Variants in VWA8 observed in about 807,000 individuals in gnomAD.
VWA8 encodes the protein von Willebrand factor A domain-containing protein 8.
In VWA8, 221 loss-of-function variants were observed where a neutral mutation model predicts 241.5. That is an observed-to-expected ratio of 0.91 (90% confidence interval 0.82 to 1.02). VWA8 has a LOEUF of 1.02. Ranked by LOEUF, VWA8 falls within the 50% of genes least tolerant of loss-of-function variation. The pLI, the probability that VWA8 is intolerant of heterozygous loss-of-function variation, is 0.00. For synonymous variants in VWA8, 852 were observed against 827.1 expected, an observed-to-expected ratio of 1.03 and a Z score of -0.52; for missense variants, 2,322 against 2,328.7, an observed-to-expected ratio of 1.00 and a Z score of 0.06.
At chr13:41,837,706 A>G (rs903563427) in intron 12 of VWA8, among the ~76,000 whole-genome samples, 5 of 152,210 alleles carry the variant, frequency 3.3e-5, no homozygotes, top group Non-Finnish European at 7.4e-5. Flanking sequence ...CATTGCTATT[A>G]GTAAGCAGAA....
chr13:41,611,158 C>G (rs553235039), intron 39 of VWA8, among the ~76,000 whole-genome samples: 11 of 152,290 alleles, frequency 7.2e-5, no homozygotes, highest in Middle Eastern at 3.4e-3. Context: ...CTAAACTTGC[C>G]TTTCTCTGCA....
chr13:41,882,556 C>T (rs1176467005), intron 9 of VWA8, among the ~76,000 whole-genome samples: 3 of 152,264 alleles, frequency 2.0e-5, no homozygotes, highest in African/African-American at 7.2e-5. Flanking sequence ...AATCCCAGCA[C>T]CCCGGGAGGC....
In VWA8 at chr13:41,721,443, C is replaced by T; in HGVS notation, c.2891G>A (p.Ser964Asn). Residue 964 changes from serine to asparagine, a missense_variant, in exon 25 of 45, where the codon AGT becomes AAT. Physicochemically the swap from Ser to Asn is conservative, Grantham distance 46 (BLOSUM62 1). Coordinates refer to ENST00000379310, the MANE Select transcript of VWA8 (RefSeq NM_015058.2). Reference sequence around the variant, plus strand: ...GTTAATAATCCCTTGGTCAGCCAAACTCCTCAGCTCTCCAAAGGCAGCCAC... The same window carrying T: ...GTTAATAATCCCTTGGTCAGCCAAATTCCTCAGCTCTCCAAAGGCAGCCAC... ...KLVAAFGELR[S>N]LADQGIINYP... 1 of 1,613,896 alleles carries T rather than the reference C, an allele frequency of 6.2e-7. No homozygotes were observed. The highest frequency in any genetic ancestry group is 8.5e-7 in the Non-Finnish European group (1 of 1,179,840).
At chr13:41,885,499 G>A (rs1416015916) in intron 8 of VWA8, among the ~76,000 whole-genome samples, 4 of 152,192 alleles carry the variant, frequency 2.6e-5, no homozygotes, top group African/African-American at 9.7e-5. Context: ...CACACATGCT[G>A]GGAGAGCAGT....
intron 21 of VWA8, among the ~76,000 whole-genome samples, chr13:41,745,951 T>G (rs1048895326): frequency 8.5e-5 from 13 of 152,174 alleles, no homozygotes; most frequent in Non-Finnish European, 1.8e-4. Flanking sequence ...TAATAAAATT[T>G]TGCTTTACAA....
intron 26 of VWA8, among the ~76,000 whole-genome samples, chr13:41,714,123 T>A (rs1218415564): frequency 6.6e-6 from 1 of 152,064 alleles, no homozygotes. Context: ...TGATTAATTT[T>A]AAAAATAAAT....
chr13:41,704,494 C>T (rs532981485), intron 26 of VWA8, among the ~76,000 whole-genome samples: 2 of 149,204 alleles, frequency 1.3e-5, no homozygotes, highest in South Asian at 2.1e-4. Flanking sequence ...GACAGGGTCT[C>T]ACTCTGTCAC....
intron 21 of VWA8, among the ~76,000 whole-genome samples, chr13:41,733,551 C>T (rs928038): frequency 0.16 from 24,886 of 152,140 alleles, 2,156 homozygotes; most frequent in Non-Finnish European, 0.2. Context: ...ATTGTTGTTG[C>T]TGTGACTGAA....
intron 19 of VWA8, among the ~76,000 whole-genome samples, chr13:41,778,832 C>CTTTTTTTTTT (rs71096543): frequency 2.4e-5 from 2 of 82,648 alleles, no homozygotes; most frequent in Non-Finnish European, 4.6e-5. Context: ...CAGTACGTCA[C>CTTTTTTTTTT]TTTTTTTTTT....
At position 41,819,316 on chromosome 13, in the gene VWA8, C is replaced by T. The variant is rs1284453031; in HGVS notation, c.1771G>A (p.Ala591Thr). 4 of 1,613,148 alleles carry T rather than the reference C, an allele frequency of 2.5e-6. No homozygotes were observed. Among genetic ancestry groups the T allele is most frequent in the Non-Finnish European group, 3.4e-6 (4 of 1,179,788 alleles). ...LAEPPVIGST[A>T]HQWLGPEFLT... The stretch of plus-strand genomic sequence containing the variant: ...AATTCTGGTCCCAGCCACTGGTGTG[C>T]TGTGCTTCCAATAACAGGGGGTTCT... The change falls in exon 15 of 45, where the codon GCA (alanine) becomes ACA (threonine). Residue 591 changes from alanine to threonine, a missense_variant. Transcript: ENST00000379310.
rs572919349 is a variant in VWA8, at chr13:41,771,700, C to T, written c.2349+6285G>A. 1.2e-4 allele frequency among the ~76,000 whole-genome samples: 19 copies of T among 152,094 alleles called. No homozygotes were observed. The South Asian group carries it at 3.9e-3, about 32-fold the overall frequency. On this transcript the variant is annotated intron_variant, in intron 20 of 44. Coordinates refer to ENST00000379310, the MANE Select transcript of VWA8 (RefSeq NM_015058.2). ...CTCAAGCAATCCTTCTGCCTAAGCA[C>T]CCTGAGTAGCTGGGACTACAGGTGC...
At chr13:41,784,697 CATATATAT>C (rs59582293) in intron 18 of VWA8, among the ~76,000 whole-genome samples, 1,413 of 57,014 alleles carry the variant, frequency 0.025, 87 homozygotes, top group African/African-American at 0.07. Context: ...TATACATATA[CATATATAT>C]ATATATATAT....
chr13:41,771,597 G>C (rs1032423414), intron 20 of VWA8, among the ~76,000 whole-genome samples: 3 of 151,804 alleles, frequency 2.0e-5, no homozygotes, highest in Admixed American at 6.6e-5. Context: ...TTTTATTTTT[G>C]AGACAGGGTC....
At position 41,662,540 on chromosome 13, in the gene VWA8, C is replaced by CT. The variant is rs1438337984; in HGVS notation, c.4611+8405dup. ...AGTTTCTTTTGCTTGTTTGTTTTGT[C>CT]TTTTTTTTTTTTAATAGATTCTGTG... On this transcript the variant is annotated intron_variant, in intron 37 of 44. Coordinates refer to ENST00000379310, the MANE Select transcript of VWA8 (RefSeq NM_015058.2). 4.6e-3 allele frequency among the ~76,000 whole-genome samples: 568 copies of CT among 122,256 alleles called. 5 individuals carry two copies. The highest frequency in any genetic ancestry group is 0.015 in the African/African-American group (487 of 33,188). The allele number at this position is 122,256 out of a possible 152,430, so 80.2% of individuals were successfully genotyped here.
In VWA8 at chr13:41,685,174, T is replaced by A. The variant is rs1209879138; in HGVS notation, c.4200A>T (p.Ser1400=). The A allele has an allele frequency of 6.2e-7, 1 of 1,613,448 alleles. No individual in the cohort carries two copies. Among genetic ancestry groups the A allele is most frequent in the Non-Finnish European group, 8.5e-7 (1 of 1,179,732 alleles). Residue 1400 remains serine, a synonymous_variant, in exon 35 of 45, where the codon TCA becomes TCT. Transcript: ENST00000379310. ...SLHKRSGTDT[S]FYRGKKKRGT... ...CCCTTTTCTTCTTTCCTCTATAGAA[T>A]GATGTATCAGTGCCACTTCGTTTAT... is the stretch of plus-strand genomic sequence containing the variant.
At chr13:41,625,659 T>G (rs1298153057) in intron 37 of VWA8, among the ~76,000 whole-genome samples, 1 of 152,112 alleles carries the variant, frequency 6.6e-6, no homozygotes, top group Non-Finnish European at 1.5e-5. Flanking sequence ...TCAACCATTG[T>G]GGAAGACAGT....
rs780828541 is a variant in VWA8, at chr13:41,611,592, T to C, written c.4861A>G (p.Arg1621Gly). The C allele has an allele frequency of 6.2e-7, 1 of 1,614,030 alleles. No individual in the cohort carries two copies. The highest frequency in any genetic ancestry group is 1.1e-5 in the South Asian group (1 of 91,060). Residue 1621 changes from arginine (R) to glycine (G), a missense_variant, in exon 39 of 45, where the codon AGA becomes GGA. Physicochemically the swap from Arg to Gly is moderately radical, Grantham distance 125. Coordinates refer to ENST00000379310, the MANE Select transcript of VWA8 (RefSeq NM_015058.2). ...AGCACTGACCTCTGCTGGAATGCTC[T>C]CTGGCCCATCTCTCTAGCAGCTCTC... ...VKRAAREMGQ[R>G]AFQQRLKEIQ...
At chr13:41,943,000 G>C (rs141928290) in intron 2 of VWA8, among the ~76,000 whole-genome samples, 158 of 152,272 alleles carry the variant, frequency 1.0e-3, no homozygotes, top group African/African-American at 3.6e-3. Flanking sequence ...CCAAAAATCT[G>C]GCAGCTATAC....
intron 19 of VWA8, among the ~76,000 whole-genome samples, chr13:41,780,492 C>T (rs1278405433): frequency 1.3e-5 from 2 of 152,146 alleles, no homozygotes; most frequent in Non-Finnish European, 2.9e-5. Flanking sequence ...TCACCCTGCC[C>T]TCCTTATTCC....
Sources: allele counts gnomAD v4.1 joint callset (sites outside exome capture counted in the v4.1 genomes callset), GRCh38; gene constraint gnomAD v4.1.1; transcripts MANE v1.5; gene names NCBI Gene and HGNC (gene_info 2026-07-23, HGNC 2026-07-21).